ARHGAP6: variants seen among roughly 807,000 people sequenced by gnomAD.
ARHGAP6 encodes the protein Rho GTPase activating protein 6, also known as rho GTPase-activating protein 6.
In ARHGAP6, 16 loss-of-function variants were observed where a neutral mutation model predicts 55.7. The observed-to-expected ratio is 0.29, with a 90% CI of 0.19 to 0.44. The LOEUF is 0.44. Among genes scored for constraint, ARHGAP6 ranks in the 20% least tolerant of loss-of-function variants. ARHGAP6 has a pLI of 1.00. For synonymous variants in ARHGAP6, 382 were observed against 360.9 expected (o/e 1.06, Z -0.66); for missense variants, 698 against 808.9 (o/e 0.86, Z 1.66).
intron 2 of ARHGAP6, among the ~76,000 whole-genome samples, chrX:11,237,340 T>C (rs1365165712): frequency 8.9e-6 from 1 of 112,137 alleles, no homozygotes; most frequent in African/African-American, 3.2e-5. Flanking sequence ...AGTCCCCTAC[T>C]ATTCAGGTGG....
intron 1 of ARHGAP6, among the ~76,000 whole-genome samples, chrX:11,282,957 G>A (rs2047875955): frequency 8.9e-6 from 1 of 112,051 alleles, no homozygotes; most frequent in Admixed American, 9.4e-5. Flanking sequence ...TTATCACAAG[G>A]TAGTATTCTA....
At chrX:11,534,241 G>C (rs1480287331) in intron 1 of ARHGAP6, among the ~76,000 whole-genome samples, 4 of 111,685 alleles carry the variant, frequency 3.6e-5, no homozygotes, top group African/African-American at 1.3e-4. Flanking sequence ...TCAGGTGCTT[G>C]CTGTACTGCC....
chrX:11,256,518 T>C (rs1249703110), intron 1 of ARHGAP6, among the ~76,000 whole-genome samples: 2 of 112,028 alleles, frequency 1.8e-5, no homozygotes, highest in Non-Finnish European at 3.8e-5. Flanking sequence ...ATTCCAAAAG[T>C]GAATGGCATG....
intron 1 of ARHGAP6, among the ~76,000 whole-genome samples, chrX:11,480,412 G>A (rs1042944506): frequency 9.0e-6 from 1 of 111,146 alleles, no homozygotes; most frequent in Non-Finnish European, 1.9e-5. Flanking sequence ...ACAGCAAGTA[G>A]ATTAGTGGTT....
chrX:11,391,119 A>G (rs978946422), intron 1 of ARHGAP6, among the ~76,000 whole-genome samples: 3 of 112,100 alleles, frequency 2.7e-5, no homozygotes, highest in East Asian at 2.8e-4. Context: ...ATACACCATG[A>G]AATACTATGC....
chrX:11,607,303 T>C (rs1480814582), intron 1 of ARHGAP6, among the ~76,000 whole-genome samples: 1 of 111,601 alleles, frequency 9.0e-6, no homozygotes, highest in Non-Finnish European at 1.9e-5. Flanking sequence ...TCAACAGAGG[T>C]CCAAAGAGAT....
At chrX:11,186,060 A>T (rs998364047) in intron 5 of ARHGAP6, among the ~76,000 whole-genome samples, 176 bp downstream of exon 5, 1 of 111,453 alleles carries the variant, frequency 9.0e-6, no homozygotes, top group African/African-American at 3.3e-5. Context: ...CTCTTCTCCA[A>T]TCTTGTTTAG....
At position 11,415,767 on chromosome X, in the gene ARHGAP6, C is replaced by A. The variant is rs368434095; in HGVS notation, c.589-161060G>T. ...TTGTGCCTTTGTCATTGCTGAACTT[C>A]TTTGGGTAGATGCTGCCAGCCTGGG... On this transcript the variant is annotated intron_variant, in intron 1 of 12. Coordinates refer to ENST00000337414, the MANE Select transcript of ARHGAP6 (RefSeq NM_013427.3). 3.7e-4 allele frequency among the ~76,000 whole-genome samples: 42 copies of A among 112,093 alleles called. No homozygotes were observed. The East Asian group carries it at 0.011, about 31-fold the overall frequency.
intron 1 of ARHGAP6, among the ~76,000 whole-genome samples, chrX:11,518,373 G>A (rs2050868048): frequency 9.1e-6 from 1 of 109,875 alleles, no homozygotes; most frequent in African/African-American, 3.3e-5. Flanking sequence ...CAAACTCCTG[G>A]CTTCAAGCGA....
Position 11,230,719 on chromosome X carries a change from CAT to C in ARHGAP6, c.748+23827_748+23828del, listed in dbSNP as rs771541545. On this transcript the variant is annotated intron_variant, in intron 2 of 12. Coordinates refer to ENST00000337414, the MANE Select transcript of ARHGAP6 (RefSeq NM_013427.3). ...TACATGTATGTATATAGATAATATG[CAT>C]ATATATATGCATATACGTATATGTG... Among the ~76,000 whole-genome samples the C allele has an allele frequency of 6.6e-5, 7 of 106,673 alleles. No individual in the cohort carries two copies. In the South Asian group the frequency reaches 1.2e-3, roughly 19 times the overall value. 92.6% of individuals were successfully genotyped at this position (106,673 alleles called of 115,157 possible).
At chrX:11,427,374 G>A (rs1212485322) in intron 1 of ARHGAP6, among the ~76,000 whole-genome samples, 1 of 112,327 alleles carries the variant, frequency 8.9e-6, no homozygotes, top group Admixed American at 9.3e-5. Context: ...AAGATTTCGG[G>A]AAGCGCCACT....
intron 1 of ARHGAP6, among the ~76,000 whole-genome samples, chrX:11,534,753 C>T (rs927214396): frequency 9.0e-6 from 1 of 111,557 alleles, no homozygotes; most frequent in Admixed American, 9.5e-5. Context: ...AAACTATATT[C>T]TATTTAACCC....
intron 2 of ARHGAP6, among the ~76,000 whole-genome samples, chrX:11,233,173 CTAAT>C (rs1250392141): frequency 1.8e-5 from 2 of 112,454 alleles, no homozygotes; most frequent in African/African-American, 6.5e-5. Context: ...TAGATTTTCA[CTAAT>C]TAACCAGTTA....
chrX:11,475,790 TA>T lies in ARHGAP6; in HGVS notation c.588+188450del, dbSNP rs377288387. On this transcript the variant is annotated intron_variant, in intron 1 of 12. Coordinates refer to ENST00000337414, the MANE Select transcript of ARHGAP6 (RefSeq NM_013427.3). ...TCATGAAAAGACATCATTGCTGAAGTAAAAAAAAAAAAAGCACCACAGACTA... is the reference window on the plus strand; with the variant it reads ...TCATGAAAAGACATCATTGCTGAAGTAAAAAAAAAAAAGCACCACAGACTA... Among the ~76,000 whole-genome samples the T allele has an allele frequency of 9.6e-3, 882 of 92,214 alleles. 1 individual carries two copies. The highest frequency in any genetic ancestry group is 0.013 in the Non-Finnish European group (593 of 45,688). The allele number at this position is 92,214 out of a possible 115,157, so 80.1% of individuals were successfully genotyped here.
At chrX:11,663,286 C>T (rs769631297) in intron 1 of ARHGAP6, among the ~76,000 whole-genome samples, 1 of 112,019 alleles carries the variant, frequency 8.9e-6, no homozygotes, top group East Asian at 2.8e-4. Context: ...CATGGTATTT[C>T]ATTTCATTTC....
At chrX:11,319,985 C>T (rs765370643) in intron 1 of ARHGAP6, among the ~76,000 whole-genome samples, 20 of 111,974 alleles carry the variant, frequency 1.8e-4, no homozygotes, top group Non-Finnish European at 3.0e-4. Context: ...ATGTTATTCG[C>T]GTAACTTCTT....
At chrX:11,590,855 A>AGAAAT (rs1491321951) in intron 1 of ARHGAP6, among the ~76,000 whole-genome samples, 1 of 48,797 alleles carries the variant, frequency 2.0e-5, no homozygotes, top group Non-Finnish European at 3.2e-5. Flanking sequence ...AGAAAAGAAA[A>AGAAAT]GAAAAGAAAA....
chrX:11,663,929 T>C (rs1239504719), intron 1 of ARHGAP6, among the ~76,000 whole-genome samples: 1 of 112,609 alleles, frequency 8.9e-6, no homozygotes, highest in Non-Finnish European at 1.9e-5. Context: ...ATATCAACAT[T>C]GGGTGAAGGG....
chrX:11,372,607 C>T (rs1209069217), intron 1 of ARHGAP6, among the ~76,000 whole-genome samples: 1 of 107,977 alleles, frequency 9.3e-6, no homozygotes. Context: ...CCTGCCTCTA[C>T]TAAAAATATA....
Sources: gnomAD v4.1 joint callset for allele counts (sites outside exome capture counted in the v4.1 genomes callset) on GRCh38, gnomAD v4.1.1 for gene constraint, MANE v1.5 for transcripts, NCBI Gene and HGNC (gene_info 2026-07-23, HGNC 2026-07-21) for gene names.